Variants in TENM2 observed in about 807,000 individuals in gnomAD.
TENM2 encodes the protein teneurin-2.
TENM2 carries 52 observed loss-of-function variants against 245.2 expected under a neutral mutation model. The ratio of observed to expected loss-of-function variants is 0.21; its 90% CI spans 0.17 to 0.27. The LOEUF (loss-of-function observed/expected upper bound fraction) is 0.27, where lower values mean the gene tolerates loss of function less well. Among genes scored for constraint, TENM2 ranks in the 10% least tolerant of loss-of-function variants. The probability of loss-of-function intolerance (pLI) is 1.00; values close to 1 mark genes in which losing one functional copy is unlikely to be tolerated. For synonymous variants in TENM2, 1,363 were observed against 1,438.9 expected (o/e 0.95, Z 1.19); for missense variants, 3,046 against 3,666.8 (o/e 0.83, Z 4.37).
chr5:167,251,114 A>G, the TENM2 span, among the ~76,000 whole-genome samples: 2 of 152,126 alleles, frequency 1.3e-5, no homozygotes, highest in African/African-American at 2.4e-5. Context: ...TAGACTCTTT[A>G]TATTCTGAAT....
intron 2 of TENM2, among the ~76,000 whole-genome samples, chr5:167,571,621 A>C (rs1337073559): frequency 6.6e-6 from 1 of 152,168 alleles, no homozygotes; most frequent in Non-Finnish European, 1.5e-5. Flanking sequence ...AACAGCACTG[A>C]TAGCCATTTG....
chr5:167,337,123 C>CAAAAA lies in TENM2; in HGVS notation c.227-38049_227-38045dup, dbSNP rs71591174. Among the ~76,000 whole-genome samples the CAAAAA allele has an allele frequency of 1.9e-3, 107 of 56,642 alleles. 1 individual carries two copies. The highest frequency in any genetic ancestry group is 3.5e-3 in the African/African-American group (39 of 11,258). The allele number at this position is 56,642 out of a possible 152,430, so 37.2% of individuals were successfully genotyped here. On this transcript the variant is annotated intron_variant, in intron 1 of 28. Coordinates refer to ENST00000518659, the Ensembl canonical transcript of TENM2. ...TGGGCGACAGAGGGAGACTCCGTCT[C>CAAAAA]AAAAAAAAAAAAAAAAAAAAAAAAA...
intron 2 of TENM2, among the ~76,000 whole-genome samples, chr5:167,465,537 A>C (rs1264293160): frequency 1.3e-5 from 2 of 152,248 alleles, no homozygotes; most frequent in Admixed American, 6.5e-5. Flanking sequence ...CCTGGATAAG[A>C]AACATGCCCG....
At chr5:167,959,196 T>C (rs1481479748) in intron 4 of TENM2, among the ~76,000 whole-genome samples, 1 of 150,508 alleles carries the variant, frequency 6.6e-6, no homozygotes, top group African/African-American at 2.4e-5. Context: ...TTCTTTTTTT[T>C]TTTTTTTTCT....
At chr5:167,101,869 A>ATATATATATATATATATATATATATATG in the TENM2 span, among the ~76,000 whole-genome samples, 266 of 125,640 alleles carry the variant, frequency 2.1e-3, no homozygotes, top group South Asian at 4.2e-3. Flanking sequence ...ATATATATAT[A>ATATATATATATATATATATATATATATG]TATATATGCA....
intron 2 of TENM2, chr5:167,654,011 T>C (rs1245622321): frequency 2.0e-5 from 3 of 152,182 alleles, no homozygotes; most frequent in Non-Finnish European, 4.4e-5. Flanking sequence ...CTGGAATTTT[T>C]AGTTACATAA....
intron 5 of TENM2, among the ~76,000 whole-genome samples, chr5:168,045,154 A>G (rs28507501): frequency 6.6e-6 from 1 of 151,802 alleles, no homozygotes; most frequent in South Asian, 2.1e-4. Context: ...CCTCCATCTC[A>G]CTTTCTTATT....
chr5:168,042,384 A>C (rs1321899397), intron 5 of TENM2, among the ~76,000 whole-genome samples: 1 of 152,120 alleles, frequency 6.6e-6, no homozygotes, highest in Non-Finnish European at 1.5e-5. Context: ...CTCTTTGACA[A>C]GCAGGGGCTG....
intron 3 of TENM2, among the ~76,000 whole-genome samples, chr5:167,893,725 G>C (rs1389118483): frequency 6.6e-6 from 1 of 151,496 alleles, no homozygotes; most frequent in East Asian, 1.9e-4. Flanking sequence ...ATTTCCAAAC[G>C]CTTTTAAAAC....
intron 4 of TENM2, among the ~76,000 whole-genome samples, chr5:167,964,626 G>C (rs918522701): frequency 5.3e-5 from 8 of 152,166 alleles, no homozygotes; most frequent in Non-Finnish European, 8.8e-5. Context: ...GACAAATGCA[G>C]TAAGTGCCAC....
At chr5:167,543,135 A>G (rs1215031381) in intron 2 of TENM2, among the ~76,000 whole-genome samples, 1 of 152,178 alleles carries the variant, frequency 6.6e-6, no homozygotes, top group South Asian at 2.1e-4. Context: ...GGTGATTCCA[A>G]TGCTCACTCA....
intron 2 of TENM2, among the ~76,000 whole-genome samples, chr5:167,650,445 C>T (rs203307): frequency 0.15 from 23,223 of 152,000 alleles, 1,942 homozygotes; most frequent in African/African-American, 0.22. Flanking sequence ...ATGAGATCCC[C>T]GTAATACATC....
chr5:167,900,963 AG>A (rs1464493433), intron 3 of TENM2, among the ~76,000 whole-genome samples: 1 of 152,142 alleles, frequency 6.6e-6, no homozygotes, highest in East Asian at 1.9e-4. Flanking sequence ...AATGTAAAAA[AG>A]GCCTGAGATG....
chr5:167,894,705 C>T (rs1368334135), intron 3 of TENM2, among the ~76,000 whole-genome samples: 2 of 152,100 alleles, frequency 1.3e-5, no homozygotes. Context: ...CCATAAATAT[C>T]TGTTGGATGG....
Position 168,085,075 on chromosome 5 carries a change from A to G in TENM2, c.1516-5499A>G, listed in dbSNP as rs74489350. On this transcript the variant is annotated intron_variant, in intron 7 of 28. Transcript: ENST00000518659. The stretch of plus-strand genomic sequence containing the variant: ...CTTGCTTGGCCACCAACCAAGCTCA[A>G]TGGCACTGGATCCATTCCTTAACTT... Among the ~76,000 whole-genome samples, 8 of 152,322 alleles carry G rather than the reference A, an allele frequency of 5.3e-5. No individual in the cohort carries two copies. In the East Asian group the frequency reaches 1.5e-3, roughly 29 times the overall value.
chr5:167,870,955 G>T lies in TENM2; in HGVS notation c.503-5031G>T, dbSNP rs571274549. 6.6e-5 allele frequency among the ~76,000 whole-genome samples: 10 copies of T among 152,196 alleles called. No homozygotes were observed. In the South Asian group the frequency reaches 2.1e-3, roughly 32 times the overall value. On this transcript the variant is annotated intron_variant, in intron 2 of 28. Coordinates refer to ENST00000518659, the Ensembl canonical transcript of TENM2. ...TTAAGTGAATTTTGGGAATTGATCT[G>T]CAACATGCCCTCTGTCATAAATTCG... is the stretch of plus-strand genomic sequence containing the variant.
At chr5:168,046,523 C>G (rs1174316100) in intron 5 of TENM2, among the ~76,000 whole-genome samples, 1 of 152,154 alleles carries the variant, frequency 6.6e-6, no homozygotes. Context: ...CAAGAACCAT[C>G]AGGGATAGGG....
intron 2 of TENM2, among the ~76,000 whole-genome samples, chr5:167,383,388 A>G (rs1233403401): frequency 6.6e-6 from 1 of 152,204 alleles, no homozygotes; most frequent in African/African-American, 2.4e-5. Flanking sequence ...TAAACCAATG[A>G]TGCTGTCTCA....
At chr5:167,733,574 A>G (rs1443768612) in intron 2 of TENM2, among the ~76,000 whole-genome samples, 1 of 152,188 alleles carries the variant, frequency 6.6e-6, no homozygotes, top group Non-Finnish European at 1.5e-5. Flanking sequence ...GATCGCACAA[A>G]CAGGGTAAGA....
Sources: allele counts gnomAD v4.1 joint callset (sites outside exome capture counted in the v4.1 genomes callset), GRCh38; gene constraint gnomAD v4.1.1; transcripts MANE v1.5; gene names NCBI Gene and HGNC (gene_info 2026-07-23, HGNC 2026-07-21).